The following SYT1 variants were observed in gnomAD, a reference collection of about 807,000 sequenced individuals.
SYT1 encodes the protein synaptotagmin-1.
A neutral mutation model predicts 44.8 loss-of-function variants in SYT1; 8 were observed. The ratio of observed to expected loss-of-function variants is 0.18; its 90% CI spans 0.10 to 0.32. The LOEUF (loss-of-function observed/expected upper bound fraction) is 0.32, where lower values mean the gene tolerates loss of function less well. SYT1 is among the 10% of genes least tolerant of loss of function. The pLI is 1.00. For synonymous variants in SYT1, 154 were observed against 188.8 expected (o/e 0.82, Z 1.51); for missense variants, 286 against 509.3 (o/e 0.56, Z 4.22).
At chr12:79,319,434 G>A (rs1440665836) in intron 8 of SYT1, among the ~76,000 whole-genome samples, 3 of 152,162 alleles carry the variant, frequency 2.0e-5, no homozygotes, top group African/African-American at 7.2e-5. Flanking sequence ...TGGAAGGGCT[G>A]AGATTCAGAA....
At chr12:79,069,177 A>C (rs553334797) in intron 3 of SYT1, among the ~76,000 whole-genome samples, 4 of 152,322 alleles carry the variant, frequency 2.6e-5, no homozygotes, top group African/African-American at 9.6e-5. Flanking sequence ...GCAGGTGTTC[A>C]TCTATAAATG....
rs188582016 is a variant in SYT1 at position 79,158,545 on chromosome 12, C to A, written c.-17-58958C>A. Among the ~76,000 whole-genome samples the A allele has an allele frequency of 3.5e-3, 540 of 152,136 alleles. 4 individuals carry two copies. The highest frequency in any genetic ancestry group is 0.014 in the Middle Eastern group (4 of 294). On this transcript the variant is annotated intron_variant, in intron 3 of 10. Coordinates refer to ENST00000261205, the MANE Select transcript of SYT1 (RefSeq NM_005639.3). ...AGTTTGGGGACCCCTGCTATAATCA[C>A]CTAAAATAAGAGAGTGACCCTTTCA...
At chr12:79,005,157 C>T (rs1345867555) in intron 2 of SYT1, among the ~76,000 whole-genome samples, 1 of 151,976 alleles carries the variant, frequency 6.6e-6, no homozygotes, top group Non-Finnish European at 1.5e-5. Flanking sequence ...CAGCGGAGAA[C>T]CTTATTTCAA....
intron 3 of SYT1, among the ~76,000 whole-genome samples, chr12:79,163,094 A>T (rs765226475): frequency 1.3e-5 from 2 of 152,090 alleles, no homozygotes; most frequent in Non-Finnish European, 2.9e-5. Flanking sequence ...CCACAGCATT[A>T]TCTGTATTTG....
intron 1 of SYT1, among the ~76,000 whole-genome samples, chr12:78,911,438 C>T (rs927940921): frequency 4.0e-5 from 6 of 151,654 alleles, no homozygotes; most frequent in Non-Finnish European, 4.4e-5. Context: ...CCTTGGGGTG[C>T]GCCAACATTT....
intron 3 of SYT1, among the ~76,000 whole-genome samples, chr12:79,142,532 C>T (rs767877490): frequency 5.3e-5 from 8 of 152,076 alleles, no homozygotes; most frequent in African/African-American, 7.2e-5. Context: ...CTTAGAAATA[C>T]GACTTTTTAT....
chr12:79,336,416 A>C (rs1399941198), intron 8 of SYT1, among the ~76,000 whole-genome samples: 1 of 150,952 alleles, frequency 6.6e-6, no homozygotes, highest in Admixed American at 6.6e-5. Flanking sequence ...TTTCCCCTTT[A>C]TTCTCTTCCT....
intron 3 of SYT1, among the ~76,000 whole-genome samples, chr12:79,116,775 T>C (rs1565813370): frequency 1.3e-5 from 2 of 152,230 alleles, no homozygotes; most frequent in African/African-American, 4.8e-5. Flanking sequence ...TTCTGCTAAA[T>C]TGTGAGCTCT....
intron 1 of SYT1, among the ~76,000 whole-genome samples, chr12:78,895,584 G>A (rs971352668): frequency 1.7e-4 from 26 of 151,620 alleles, no homozygotes; most frequent in African/African-American, 6.3e-4. Flanking sequence ...ATTTGTTGTT[G>A]TTGATCTATA....
At chr12:78,882,730 G>A (rs558260239) in intron 1 of SYT1, among the ~76,000 whole-genome samples, 64 of 151,848 alleles carry the variant, frequency 4.2e-4, no homozygotes, top group African/African-American at 1.4e-3. Context: ...ATAGGTGAGG[G>A]TACTGATGAG....
In SYT1 at chr12:79,031,139, C is replaced by G. The variant is rs1872805136; in HGVS notation, c.-83-16158C>G. Among the ~76,000 whole-genome samples the G allele has an allele frequency of 1.4e-5, 2 of 141,464 alleles. 1 individual carries two copies. The highest frequency in any genetic ancestry group is 4.2e-4 in the South Asian group (2 of 4,806). The allele number at this position is 141,464 out of a possible 152,430, so 92.8% of individuals were successfully genotyped here. On this transcript the variant is annotated intron_variant, in intron 2 of 10. Transcript: ENST00000261205. ...TAAAATTAGCTGCTCAATAAAATCTCTACTAGTTGAAATAATCATCAAAAT... is the reference window on the plus strand; with the variant it reads ...TAAAATTAGCTGCTCAATAAAATCTGTACTAGTTGAAATAATCATCAAAAT...
chr12:79,341,668 T>C (rs1296230780), intron 8 of SYT1, among the ~76,000 whole-genome samples: 1 of 130,898 alleles, frequency 7.6e-6, no homozygotes, highest in Non-Finnish European at 1.6e-5. Flanking sequence ...TTCTTTTTTT[T>C]TTTTTTTTTT....
At chr12:79,062,582 C>T (rs1439005029) in intron 3 of SYT1, among the ~76,000 whole-genome samples, 1 of 152,088 alleles carries the variant, frequency 6.6e-6, no homozygotes, top group Admixed American at 6.6e-5. Context: ...CATTCCAATG[C>T]ACTTCTTATT....
intron 4 of SYT1, among the ~76,000 whole-genome samples, chr12:79,255,775 G>A (rs1397957792): frequency 6.6e-6 from 1 of 152,196 alleles, no homozygotes; most frequent in African/African-American, 2.4e-5. Context: ...AGTATATGCA[G>A]TTTTGTCTCA....
intron 1 of SYT1, among the ~76,000 whole-genome samples, chr12:78,921,725 A>T (rs556858932): frequency 6.6e-6 from 1 of 152,066 alleles, no homozygotes; most frequent in South Asian, 2.1e-4. Context: ...TTATATGCAT[A>T]TATAGATATG....
intron 3 of SYT1, among the ~76,000 whole-genome samples, chr12:79,204,296 A>G (rs1873966917): frequency 2.6e-5 from 4 of 152,198 alleles, no homozygotes. Flanking sequence ...CCATCATCCT[A>G]TTTACCTCAG....
At chr12:79,166,412 A>G (rs969681784) in intron 3 of SYT1, among the ~76,000 whole-genome samples, 1 of 152,020 alleles carries the variant, frequency 6.6e-6, no homozygotes, top group Admixed American at 6.6e-5. Context: ...TGGTCTCTTC[A>G]TATTCTATTC....
intron 4 of SYT1, among the ~76,000 whole-genome samples, chr12:79,282,961 A>T (rs1879124937): frequency 6.6e-6 from 1 of 152,182 alleles, no homozygotes; most frequent in East Asian, 1.9e-4. Context: ...ACATGTTTCT[A>T]CAAATACTGC....
chr12:79,280,998 A>G (rs1879023295), intron 4 of SYT1, among the ~76,000 whole-genome samples: 1 of 151,908 alleles, frequency 6.6e-6, no homozygotes, highest in Non-Finnish European at 1.5e-5. Flanking sequence ...AAAAAAAAAA[A>G]ATAGATACTG....
Sources: allele counts gnomAD v4.1 joint callset (sites outside exome capture counted in the v4.1 genomes callset), GRCh38; gene constraint gnomAD v4.1.1; transcripts MANE v1.5; gene names NCBI Gene and HGNC (gene_info 2026-07-23, HGNC 2026-07-21).